GRIK4: variants seen among roughly 807,000 people sequenced by gnomAD.
The protein encoded by GRIK4 is glutamate ionotropic receptor kainate type subunit 4, also known as glutamate receptor ionotropic, kainate 4.
GRIK4 carries 40 observed loss-of-function variants against 104.9 expected under a neutral mutation model. The ratio of observed to expected loss-of-function variants is 0.38; its 90% CI spans 0.30 to 0.50. The LOEUF (loss-of-function observed/expected upper bound fraction) is 0.50. Among genes scored for constraint, GRIK4 ranks in the 20% least tolerant of loss-of-function variants. The probability of loss-of-function intolerance (pLI) is 0.93; values close to 1 mark genes in which losing one functional copy is unlikely to be tolerated. For missense variants in GRIK4, 1,047 were observed against 1,308.1 expected (o/e 0.80, Z 3.08); for synonymous variants, 485 against 524.9 (o/e 0.92, Z 1.04).
chr11:120,684,717 T>C (rs534032539), intron 3 of GRIK4, among the ~76,000 whole-genome samples: 201 of 65,818 alleles, frequency 3.1e-3, no homozygotes, highest in Admixed American at 0.01. Flanking sequence ...ATAAAGATGC[T>C]TTTTTTTTTT....
chr11:120,660,011 C>CGT (rs1267130735), intron 2 of GRIK4, among the ~76,000 whole-genome samples: 3 of 152,214 alleles, frequency 2.0e-5, no homozygotes, highest in African/African-American at 7.2e-5. Flanking sequence ...GGATTACAGG[C>CGT]GTGAGCCACT....
chr11:120,968,915 C>A (rs1944427711), intron 19 of GRIK4, among the ~76,000 whole-genome samples: 2 of 152,206 alleles, frequency 1.3e-5, no homozygotes, highest in African/African-American at 4.8e-5. Context: ...TCCCTGGGCC[C>A]AGTGTATCAC....
chr11:120,964,949 A>G (rs1944358101), intron 18 of GRIK4, among the ~76,000 whole-genome samples: 1 of 152,200 alleles, frequency 6.6e-6, no homozygotes, highest in South Asian at 2.1e-4. Context: ...CCTATCAGCT[A>G]GAAAGGACAG....
chr11:120,952,284 C>T lies in GRIK4; in HGVS notation c.1591-571C>T, dbSNP rs1032917668. ...GCACTGTGGAACCTCGGGCACATCT[C>T]TGACTGCCCTCGGCTTTGGCTTCTT... On this transcript the variant is annotated intron_variant, in intron 14 of 20. Coordinates refer to ENST00000527524, the MANE Select transcript of GRIK4 (RefSeq NM_014619.5). The surrounding 1 kb of genome is among the most constrained non-coding windows in gnomAD (Gnocchi z 5.2). Among the ~76,000 whole-genome samples, 5 of 152,190 alleles carry T rather than the reference C, an allele frequency of 3.3e-5. No homozygotes were observed. The highest frequency in any genetic ancestry group is 1.2e-4 in the African/African-American group (5 of 41,438).
chr11:120,829,384 A>G (rs1444435215), intron 6 of GRIK4, among the ~76,000 whole-genome samples: 1 of 152,204 alleles, frequency 6.6e-6, no homozygotes, highest in Non-Finnish European at 1.5e-5. Flanking sequence ...CCCCTAAAAA[A>G]AAAATTAAAT....
At chr11:120,769,021 T>A (rs974884004) in intron 3 of GRIK4, among the ~76,000 whole-genome samples, 9 of 152,182 alleles carry the variant, frequency 5.9e-5, no homozygotes, top group Non-Finnish European at 7.4e-5. Flanking sequence ...AGTGTCTTTA[T>A]CTGGCTTAAG....
intron 14 of GRIK4, among the ~76,000 whole-genome samples, chr11:120,949,993 A>G (rs751796015): frequency 3.1e-4 from 47 of 152,244 alleles, no homozygotes; most frequent in Non-Finnish European, 4.4e-4. Flanking sequence ...CCTATGGCAT[A>G]TGACACCTGA....
intron 3 of GRIK4, among the ~76,000 whole-genome samples, chr11:120,797,197 C>T (rs1317618639): frequency 1.3e-5 from 2 of 152,180 alleles, no homozygotes; most frequent in African/African-American, 2.4e-5. Flanking sequence ...CGCATCTCCC[C>T]ATCTCAGCCC....
At chr11:120,943,691 C>G (rs921395372) in intron 14 of GRIK4, among the ~76,000 whole-genome samples, 1 of 152,136 alleles carries the variant, frequency 6.6e-6, no homozygotes, top group Non-Finnish European at 1.5e-5. Flanking sequence ...CTATAAGGAT[C>G]GAGAATGTCT....
At chr11:120,708,095 G>C (rs1402021419) in intron 3 of GRIK4, among the ~76,000 whole-genome samples, 1 of 152,136 alleles carries the variant, frequency 6.6e-6, no homozygotes, top group Non-Finnish European at 1.5e-5. Context: ...ATAGTGTGGT[G>C]GGTGGTCATT....
chr11:120,654,080 A>G (rs564267028), intron 2 of GRIK4, among the ~76,000 whole-genome samples: 7 of 152,352 alleles, frequency 4.6e-5, no homozygotes, highest in Non-Finnish European at 1.0e-4. Flanking sequence ...GGACTGTCAG[A>G]GACCCTCTGA....
chr11:120,740,321 G>A (rs985117136), intron 3 of GRIK4, among the ~76,000 whole-genome samples: 3 of 152,212 alleles, frequency 2.0e-5, no homozygotes, highest in Non-Finnish European at 4.4e-5. Flanking sequence ...ACCAGCAGAA[G>A]CTAGACAATC....
At chr11:120,525,124 C>T (rs1170337488) in intron 1 of GRIK4, among the ~76,000 whole-genome samples, 1 of 152,084 alleles carries the variant, frequency 6.6e-6, no homozygotes, top group African/African-American at 2.4e-5. Context: ...TGGGAAGGGG[C>T]ACTGGACTCC....
At chr11:120,813,403 T>C (rs1011918964) in intron 4 of GRIK4, among the ~76,000 whole-genome samples, 1 of 151,928 alleles carries the variant, frequency 6.6e-6, no homozygotes, top group African/African-American at 2.4e-5. Flanking sequence ...GCTGTAAGAG[T>C]TAAGTTGGCT....
At chr11:120,612,795 GA>G (rs1467546781) in intron 1 of GRIK4, among the ~76,000 whole-genome samples, 3 of 152,196 alleles carry the variant, frequency 2.0e-5, no homozygotes, top group Admixed American at 2.0e-4. Context: ...TGTGACAGGA[GA>G]GTGCTCCCTG....
intron 1 of GRIK4, among the ~76,000 whole-genome samples, chr11:120,583,399 G>A (rs1725696868): frequency 6.6e-6 from 1 of 152,094 alleles, no homozygotes; most frequent in African/African-American, 2.4e-5. Context: ...GTTGCTTTTG[G>A]TGTCTCCATC....
At chr11:120,616,991 G>A (rs548256665) in intron 1 of GRIK4, among the ~76,000 whole-genome samples, 86 of 152,310 alleles carry the variant, frequency 5.6e-4, no homozygotes, top group African/African-American at 2.0e-3. Flanking sequence ...GAGGGTTCCA[G>A]GATGGCAGTG....
chr11:120,889,729 G>T (rs561064837), intron 11 of GRIK4, among the ~76,000 whole-genome samples: 1 of 149,900 alleles, frequency 6.7e-6, no homozygotes, highest in Non-Finnish European at 1.5e-5. Flanking sequence ...CTCAGCCTCC[G>T]GAGTAGTTAT....
chr11:120,767,608 A>G (rs964071218), intron 3 of GRIK4, among the ~76,000 whole-genome samples: 1 of 152,092 alleles, frequency 6.6e-6, no homozygotes, highest in Admixed American at 6.6e-5. Flanking sequence ...GTGCTATCCA[A>G]AAAAATCATT....
Sources: gnomAD v4.1 joint callset for allele counts (sites outside exome capture counted in the v4.1 genomes callset) on GRCh38, gnomAD v4.1.1 for gene constraint, Gnocchi (gnomAD v3.1) non-coding constraint, MANE v1.5 for transcripts, NCBI Gene and HGNC (gene_info 2026-07-23, HGNC 2026-07-21) for gene names.